Variants in LINGO2 observed in about 807,000 individuals in gnomAD.
The protein encoded by LINGO2 is leucine rich repeat and Ig domain containing 2.
Under a neutral mutation model 30.6 loss-of-function variants are expected in LINGO2, and 14 were observed. The observed-to-expected ratio is 0.46, with a 90% CI of 0.30 to 0.72. LINGO2 has a LOEUF of 0.72. LINGO2 is among the 30% of genes least tolerant of loss of function. LINGO2 has a pLI of 0.07. For missense variants in LINGO2, 729 were observed against 751.7 expected (o/e 0.97, Z 0.35); for synonymous variants, 317 against 288.5 (o/e 1.10, Z -1.00).
chr9:28,493,463 G>A (rs1339900603), intron 1 of LINGO2, among the ~76,000 whole-genome samples: 3 of 152,144 alleles, frequency 2.0e-5, no homozygotes, highest in African/African-American at 7.2e-5. Flanking sequence ...ATAAATCATT[G>A]GAGATATATT....
At chr9:28,448,440 T>C (rs969768654) in intron 2 of LINGO2, among the ~76,000 whole-genome samples, 3 of 152,144 alleles carry the variant, frequency 2.0e-5, no homozygotes, top group Admixed American at 6.5e-5. Flanking sequence ...GAACTCTTAC[T>C]GATAAGACAA....
chr9:28,043,504 T>G lies in LINGO2; in HGVS notation c.-86-31099A>C, dbSNP rs928705914. ...GAAACAAATTACGTAAATGCATGTTTGCTTAATATTAGAAAAACAACACTC... is the reference window on the plus strand; with the variant it reads ...GAAACAAATTACGTAAATGCATGTTGGCTTAATATTAGAAAAACAACACTC... On this transcript the variant is annotated intron_variant, in intron 4 of 5. Coordinates refer to ENST00000379992, the Ensembl canonical transcript of LINGO2. 2.0e-5 allele frequency among the ~76,000 whole-genome samples: 3 copies of G among 152,320 alleles called. No individual in the cohort carries two copies. The South Asian group carries it at 6.2e-4, about 32-fold the overall frequency.
intron 4 of LINGO2, among the ~76,000 whole-genome samples, chr9:28,063,159 C>T (rs916631025): frequency 1.3e-5 from 2 of 152,120 alleles, no homozygotes; most frequent in Non-Finnish European, 2.9e-5. Context: ...CAGAACATAG[C>T]TGGGAACAAT....
the LINGO2 span, among the ~76,000 whole-genome samples, chr9:29,088,767 T>C: frequency 2.6e-5 from 4 of 152,244 alleles, no homozygotes; most frequent in East Asian, 7.7e-4. Context: ...TCTGAAAAAA[T>C]TATTTTGGAA....
chr9:28,426,993 T>C (rs1009989374), intron 2 of LINGO2, among the ~76,000 whole-genome samples: 8 of 152,106 alleles, frequency 5.3e-5, no homozygotes, highest in African/African-American at 1.7e-4. Flanking sequence ...AGCTATCATA[T>C]ACCATAAACG....
chr9:28,601,375 C>G (rs1757519536), intron 1 of LINGO2, among the ~76,000 whole-genome samples: 1 of 152,100 alleles, frequency 6.6e-6, no homozygotes. Context: ...CCCGCAAATC[C>G]TGAAATTATA....
chr9:28,654,126 A>G lies in LINGO2; in HGVS notation c.-365+16074T>C, dbSNP rs181176551. ...GATAAGCAGAAAAGAAACTTTCCAA[A>G]TTATGTTCACAAATTGCATCTTCAA... On this transcript the variant is annotated intron_variant, in intron 1 of 5. Transcript: ENST00000379992. Among the ~76,000 whole-genome samples, 8 of 152,258 alleles carry G rather than the reference A, an allele frequency of 5.3e-5. No individual in the cohort carries two copies. The East Asian group carries it at 1.5e-3, about 29-fold the overall frequency.
chr9:28,986,616 C>G, the LINGO2 span, among the ~76,000 whole-genome samples: 1 of 152,024 alleles, frequency 6.6e-6, no homozygotes, highest in Admixed American at 6.6e-5. Flanking sequence ...TTCCTAAGAA[C>G]AGATGTTCTT....
At chr9:28,307,689 T>G (rs1340293626) in intron 3 of LINGO2, among the ~76,000 whole-genome samples, 1 of 152,168 alleles carries the variant, frequency 6.6e-6, no homozygotes, top group East Asian at 1.9e-4. Context: ...CCCCATTGTC[T>G]CAGCCCAAAA....
chr9:28,919,978 T>C, the LINGO2 span, among the ~76,000 whole-genome samples: 1 of 152,156 alleles, frequency 6.6e-6, no homozygotes, highest in Non-Finnish European at 1.5e-5. Flanking sequence ...GTAAAAATAC[T>C]ACGACATCAC....
rs79328152 is a variant in LINGO2 at position 28,450,835 on chromosome 9, C to G, written c.-279+25105G>C. Among the ~76,000 whole-genome samples the G allele has an allele frequency of 6.5e-3, 983 of 151,904 alleles. 41 individuals carry two copies. The East Asian group carries it at 0.094, about 15-fold the overall frequency. ...ATTCCTCATATTTCCATTTTATACT[C>G]TATTGTCATTATAAAAATAAAAGTT... On this transcript the variant is annotated intron_variant, in intron 2 of 5. Coordinates refer to ENST00000379992, the Ensembl canonical transcript of LINGO2.
chr9:28,329,315 T>C lies in LINGO2; in HGVS notation c.-245-33949A>G, dbSNP rs1343829904. 6.6e-6 allele frequency among the ~76,000 whole-genome samples: 1 copy of C among 152,148 alleles called. No individual in the cohort carries two copies. The highest frequency in any genetic ancestry group is 2.4e-5 in the African/African-American group (1 of 41,408). ...CCATGGCACAAAGCAGAGCTTCTTA[T>C]TTCCCTGTATCTGACAAATACTCCC... is the stretch of plus-strand genomic sequence containing the variant. On this transcript the variant is annotated intron_variant, in intron 3 of 5. Coordinates refer to ENST00000379992, the Ensembl canonical transcript of LINGO2. This position sits in a 1 kb window ranked among gnomAD's most constrained non-coding sequence, Gnocchi z 4.5.
At chr9:28,806,077 T>C in the LINGO2 span, among the ~76,000 whole-genome samples, 1 of 117,982 alleles carries the variant, frequency 8.5e-6, no homozygotes, top group African/African-American at 2.7e-5. Context: ...CAGTTGTCTC[T>C]TAGTCAATCT....
chr9:28,745,475 T>C, the LINGO2 span, among the ~76,000 whole-genome samples: 3 of 152,186 alleles, frequency 2.0e-5, no homozygotes, highest in South Asian at 2.1e-4. Context: ...CATACCAAGA[T>C]TTAGTCAATT....
intron 1 of LINGO2, among the ~76,000 whole-genome samples, chr9:28,506,445 CACACACACACATACACAT>C (rs1564250539): frequency 3.3e-4 from 20 of 60,454 alleles, no homozygotes; most frequent in African/African-American, 8.2e-4. Context: ...CACACACACA[CACACACACACATACACAT>C]ACACACACAC....
chr9:29,073,776 T>A, the LINGO2 span, among the ~76,000 whole-genome samples: 1 of 152,198 alleles, frequency 6.6e-6, no homozygotes, highest in Non-Finnish European at 1.5e-5. Flanking sequence ...CAGTGTTTGC[T>A]ATTAAAAAGC....
chr9:28,436,393 CTGTT>C (rs943419927), intron 2 of LINGO2, among the ~76,000 whole-genome samples: 6 of 151,802 alleles, frequency 4.0e-5, no homozygotes, highest in African/African-American at 1.2e-4. Context: ...ATGGGACAGT[CTGTT>C]TGAGAGAGAA....
At chr9:28,654,109 G>C (rs903329966) in intron 1 of LINGO2, among the ~76,000 whole-genome samples, 10 of 152,044 alleles carry the variant, frequency 6.6e-5, no homozygotes, top group South Asian at 4.1e-4. Flanking sequence ...TTGATAAGCA[G>C]AAAAGAAACT....
the LINGO2 span, among the ~76,000 whole-genome samples, chr9:28,759,167 G>C: frequency 6.6e-6 from 1 of 152,022 alleles, no homozygotes; most frequent in Non-Finnish European, 1.5e-5. Flanking sequence ...AATAGTAGAG[G>C]AGAGACTCTA....
Sources: allele counts gnomAD v4.1 joint callset (sites outside exome capture counted in the v4.1 genomes callset), GRCh38; gene constraint gnomAD v4.1.1; non-coding constraint Gnocchi (gnomAD v3.1); transcripts MANE v1.5; gene names NCBI Gene and HGNC (gene_info 2026-07-23, HGNC 2026-07-21).